The following RAB8B variants were observed in gnomAD, a reference collection of about 807,000 sequenced individuals.
RAB8B encodes the protein ras-related protein Rab-8B.
In RAB8B, 11 loss-of-function variants were observed where a neutral mutation model predicts 32.0. That is an observed-to-expected ratio of 0.34 (90% CI 0.22 to 0.57). The LOEUF is 0.57. RAB8B is among the 20% of genes least tolerant of loss of function. The pLI, the probability that RAB8B is intolerant of heterozygous loss-of-function variation, is 0.86. For missense variants in RAB8B, 190 were observed against 258.5 expected, an observed-to-expected ratio of 0.73 and a Z score of 1.82; for synonymous variants, 103 against 89.6, an observed-to-expected ratio of 1.15 and a Z score of -0.85.
intron 1 of RAB8B, among the ~76,000 whole-genome samples, chr15:63,230,578 A>G (rs2037928466): frequency 6.6e-6 from 1 of 152,256 alleles, no homozygotes; most frequent in African/African-American, 2.4e-5. Context: ...CTGGGATTAC[A>G]GGCGTGAGCC....
chr15:63,255,048 A>G (rs564330251), intron 3 of RAB8B, among the ~76,000 whole-genome samples: 3 of 152,344 alleles, frequency 2.0e-5, no homozygotes, highest in African/African-American at 7.2e-5. Context: ...TTTTTGATCA[A>G]CCTACATAAA....
At chr15:63,232,485 C>G (rs1024229938) in intron 1 of RAB8B, among the ~76,000 whole-genome samples, 1 of 152,134 alleles carries the variant, frequency 6.6e-6, no homozygotes, top group African/African-American at 2.4e-5. Context: ...ATGGGTACAG[C>G]TGTCATATGA....
At chr15:63,243,142 A>C (rs902443607) in intron 1 of RAB8B, among the ~76,000 whole-genome samples, 5 of 152,198 alleles carry the variant, frequency 3.3e-5, no homozygotes, top group Admixed American at 1.3e-4. Context: ...TTGAGCACCT[A>C]TGAGAATCTA....
At chr15:63,250,052 C>T (rs1040073701) in intron 3 of RAB8B, among the ~76,000 whole-genome samples, 5 of 152,130 alleles carry the variant, frequency 3.3e-5, no homozygotes, top group African/African-American at 7.2e-5. Context: ...AGGAGAATGG[C>T]GTGAACCCAG....
At chr15:63,250,309 G>A (rs927396088) in intron 3 of RAB8B, among the ~76,000 whole-genome samples, 1 of 152,002 alleles carries the variant, frequency 6.6e-6, no homozygotes, top group Non-Finnish European at 1.5e-5. Flanking sequence ...TATGGCAGTC[G>A]TAGCAAACCA....
chr15:63,257,843 G>A (rs953086144), intron 5 of RAB8B, among the ~76,000 whole-genome samples: 6 of 151,702 alleles, frequency 4.0e-5, no homozygotes, highest in East Asian at 2.0e-4. Context: ...GGTGGATCAC[G>A]AGGTCAGGAG....
At chr15:63,254,457 A>G (rs1045459132) in intron 3 of RAB8B, among the ~76,000 whole-genome samples, 13 of 152,090 alleles carry the variant, frequency 8.5e-5, no homozygotes, top group Non-Finnish European at 1.6e-4. Flanking sequence ...AGTAGGATCT[A>G]GTATAGTATC....
chr15:63,190,868 G>A (rs2729794), intron 1 of RAB8B, among the ~76,000 whole-genome samples: 111,653 of 152,130 alleles, frequency 0.73, 42,426 homozygotes, highest in Non-Finnish European at 0.85. Flanking sequence ...TTATTGTTAA[G>A]TGAATCACAA....
intron 1 of RAB8B, among the ~76,000 whole-genome samples, chr15:63,204,952 G>A (rs545991658): frequency 6.6e-6 from 1 of 152,066 alleles, no homozygotes; most frequent in South Asian, 2.1e-4. Flanking sequence ...GAGCTCAGGA[G>A]TTAGAGACCA....
intron 1 of RAB8B, among the ~76,000 whole-genome samples, chr15:63,201,981 G>A (rs1042393955): frequency 6.6e-6 from 1 of 151,594 alleles, no homozygotes; most frequent in African/African-American, 2.4e-5. Flanking sequence ...GGCCGGGCGC[G>A]GTGGCTCACA....
intron 1 of RAB8B, among the ~76,000 whole-genome samples, chr15:63,219,065 C>T (rs1454056560): frequency 8.3e-6 from 1 of 121,068 alleles, no homozygotes; most frequent in East Asian, 2.9e-4. Flanking sequence ...TGCCGGGAGA[C>T]TGAGGTGGGT....
chr15:63,235,671 A>G (rs2037972250), intron 1 of RAB8B, among the ~76,000 whole-genome samples: 1 of 149,690 alleles, frequency 6.7e-6, no homozygotes. Flanking sequence ...ATATAAAAAT[A>G]TACTATATAT....
intron 5 of RAB8B, among the ~76,000 whole-genome samples, chr15:63,258,620 C>T (rs1217161767): frequency 2.0e-5 from 3 of 152,138 alleles, no homozygotes; most frequent in Non-Finnish European, 2.9e-5. Context: ...AAAGTACACT[C>T]CACAGAGTGG....
chr15:63,248,293 C>G lies in RAB8B; in HGVS notation c.186-1352C>G, dbSNP rs1184162495. On this transcript the variant is annotated intron_variant, in intron 2 of 7. Coordinates refer to ENST00000321437, the MANE Select transcript of RAB8B (RefSeq NM_016530.3). The surrounding 1 kb of genome is among the most constrained non-coding windows in gnomAD (Gnocchi z 4.4). ...CGTTGGGAGGCCGAGGCGGGTAGAT[C>G]ACAAGGTCAGGAGTTTGAGACCAGC... Among the ~76,000 whole-genome samples, 5 of 152,170 alleles carry G rather than the reference C, an allele frequency of 3.3e-5. No homozygotes were observed. The East Asian group carries it at 9.6e-4, about 29-fold the overall frequency.
At chr15:63,249,787 A>G in intron 3 of RAB8B, 82 bp downstream of exon 3, 1 of 1,410,554 alleles carries the variant, frequency 7.1e-7, no homozygotes, top group Non-Finnish European at 9.9e-7. Flanking sequence ...AGGATTCAAG[A>G]TGGAGTCTAG....
At chr15:63,255,440 A>C (rs761135597) in intron 3 of RAB8B, 67 bp from the exon 4 acceptor site, 37 of 1,091,078 alleles carry the variant, frequency 3.4e-5, no homozygotes, top group Admixed American at 1.0e-4. Context: ...GTAGGAGTAC[A>C]TTGACATTAT....
At chr15:63,258,628 T>A (rs2038177385) in intron 5 of RAB8B, among the ~76,000 whole-genome samples, 1 of 151,392 alleles carries the variant, frequency 6.6e-6, no homozygotes, top group African/African-American at 2.4e-5. Context: ...CTCCACAGAG[T>A]GGGAGTGGGC....
intron 3 of RAB8B, among the ~76,000 whole-genome samples, chr15:63,255,026 G>T (rs1396633107): frequency 6.6e-6 from 1 of 152,190 alleles, no homozygotes; most frequent in Non-Finnish European, 1.5e-5. Context: ...TAGATAAATA[G>T]TGACAACCTA....
At chr15:63,192,911 T>A (rs887745147) in intron 1 of RAB8B, among the ~76,000 whole-genome samples, 1 of 152,036 alleles carries the variant, frequency 6.6e-6, no homozygotes, top group Admixed American at 6.5e-5. Flanking sequence ...CTGGGAAACA[T>A]AGCGAGACTC....
Sources: gnomAD v4.1 joint callset for allele counts (sites outside exome capture counted in the v4.1 genomes callset) on GRCh38, gnomAD v4.1.1 for gene constraint, Gnocchi (gnomAD v3.1) non-coding constraint, MANE v1.5 for transcripts, NCBI Gene and HGNC (gene_info 2026-07-23, HGNC 2026-07-21) for gene names.